Variants in VPS13C observed in about 807,000 individuals in gnomAD.
The protein encoded by VPS13C is vacuolar protein sorting 13 homolog C, also known as intermembrane lipid transfer protein VPS13C.
Under a neutral mutation model 456.8 loss-of-function variants are expected in VPS13C, and 358 were observed. The observed-to-expected ratio is 0.78, with a 90% confidence interval of 0.72 to 0.86. VPS13C has a LOEUF of 0.86. Among genes scored for constraint, VPS13C ranks in the 40% least tolerant of loss-of-function variants. VPS13C has a pLI of 0.00. For missense variants in VPS13C, 4,818 were observed against 4,385.4 expected (o/e 1.10, Z -2.79); for synonymous variants, 1,578 against 1,486.7 (o/e 1.06, Z -1.41).
intron 83 of VPS13C, among the ~76,000 whole-genome samples, chr15:61,855,376 AT>A (rs1298365431): frequency 2.0e-5 from 3 of 152,162 alleles, no homozygotes; most frequent in African/African-American, 7.2e-5. Flanking sequence ...AAACTATAAA[AT>A]ATATGCACAG....
chr15:61,993,141 G>C (rs2046277265), intron 16 of VPS13C, among the ~76,000 whole-genome samples: 1 of 152,100 alleles, frequency 6.6e-6, no homozygotes. Flanking sequence ...ACCTCTCTTA[G>C]ATACTGAGAC....
chr15:61,860,689 A>C (rs1894172113), intron 82 of VPS13C, among the ~76,000 whole-genome samples: 1 of 152,170 alleles, frequency 6.6e-6, no homozygotes, highest in African/African-American at 2.4e-5. Context: ...TTGTTACATG[A>C]AAAATTGACA....
chr15:61,865,272 A>G, intron 81 of VPS13C: 7 of 981,962 alleles, frequency 7.1e-6, no homozygotes, highest in Non-Finnish European at 8.5e-6. Context: ...AAAAAGCAAA[A>G]TCTATAATGA....
rs1410594164 is a variant in VPS13C at position 62,013,834 on chromosome 15, C to G, written c.744+99G>C. On this transcript the variant is annotated intron_variant, in intron 10 of 84. Coordinates refer to ENST00000644861, the MANE Select transcript of VPS13C (RefSeq NM_020821.3). Reference sequence around the variant, plus strand: ...AAAACTAGACCCTAGACTTTTAACTCACACTCCAATGGCATATTCTGCTCC... The same window carrying G: ...AAAACTAGACCCTAGACTTTTAACTGACACTCCAATGGCATATTCTGCTCC... 4.6e-6 allele frequency: 4 copies of G among 869,412 alleles called. No homozygotes were observed. In the African/African-American group the frequency reaches 6.7e-5, roughly 15 times the overall value. 53.9% of individuals were successfully genotyped at this position (869,412 alleles called of 1,614,324 possible). A position where few individuals can be genotyped will look rare whatever the true frequency, so the allele number is the denominator to read the frequency against.
chr15:62,037,953 CG>C (rs1478708729), intron 3 of VPS13C, among the ~76,000 whole-genome samples: 6 of 151,954 alleles, frequency 3.9e-5, no homozygotes, highest in Admixed American at 6.6e-5. Context: ...ATGACCCAAA[CG>C]GAAGTATCCA....
At chr15:62,027,771 A>C (rs1049870732) in intron 6 of VPS13C, among the ~76,000 whole-genome samples, 2 of 152,082 alleles carry the variant, frequency 1.3e-5, no homozygotes, top group Admixed American at 6.6e-5. Context: ...TAGTATATAA[A>C]AGAATCATAT....
intron 5 of VPS13C, among the ~76,000 whole-genome samples, 165 bp from the exon 6 acceptor site, chr15:62,028,585 T>C (rs1409377241): frequency 6.6e-6 from 1 of 152,118 alleles, no homozygotes; most frequent in African/African-American, 2.4e-5. Flanking sequence ...GAGGAAATAT[T>C]CACAGTGACA....
At chr15:61,897,501 A>C (rs576423559) in intron 66 of VPS13C, among the ~76,000 whole-genome samples, 6 of 152,242 alleles carry the variant, frequency 3.9e-5, no homozygotes, top group Non-Finnish European at 5.9e-5. Context: ...AAAGGGTATC[A>C]GCGATGGAAG....
intron 53 of VPS13C, among the ~76,000 whole-genome samples, chr15:61,924,109 G>A (rs1053958781): frequency 9.9e-5 from 15 of 151,350 alleles, no homozygotes; most frequent in African/African-American, 1.7e-4. Flanking sequence ...CTCGTGATCC[G>A]CCCGCCTCGG....
intron 49 of VPS13C, among the ~76,000 whole-genome samples, chr15:61,932,419 C>T (rs1363895745): frequency 6.6e-6 from 1 of 152,054 alleles, no homozygotes; most frequent in Non-Finnish European, 1.5e-5. Context: ...TAATCGAAGT[C>T]TCAAATCCCA....
At chr15:62,059,406 T>C (rs1375331792) in intron 1 of VPS13C, among the ~76,000 whole-genome samples, 1 of 152,192 alleles carries the variant, frequency 6.6e-6, no homozygotes, top group Non-Finnish European at 1.5e-5. Flanking sequence ...AAACCTTTTG[T>C]GGAGTGAGAA....
chr15:61,868,838 T>G, intron 80 of VPS13C, 65 bp from the exon 81 acceptor site: 2 of 1,231,456 alleles, frequency 1.6e-6, no homozygotes. Context: ...ATGTGTGTGT[T>G]GATTAAATAC....
At chr15:61,922,160 A>T in intron 54 of VPS13C, 127 bp from the exon 55 acceptor site, 2 of 1,083,554 alleles carry the variant, frequency 1.8e-6, no homozygotes, top group South Asian at 1.5e-5. Context: ...CCCATCTAAC[A>T]ATATATAGAG....
Position 61,877,071 on chromosome 15 carries a change from G to T in VPS13C, c.10143-17C>A. The T allele has an allele frequency of 1.9e-6, 3 of 1,578,478 alleles. No individual in the cohort carries two copies. The highest frequency in any genetic ancestry group is 2.6e-6 in the Non-Finnish European group (3 of 1,156,972). On this transcript the variant is annotated splice_polypyrimidine_tract_variant and intron_variant, in intron 74 of 84. Transcript: ENST00000644861. ...TAAGCAAGTCTGGGAGGAGAAAAAG[G>T]AAAGATTCAAAGATACTAATATTAT...
At chr15:61,921,910 T>C in intron 55 of VPS13C, 37 bp downstream of exon 55, 2 of 1,568,154 alleles carry the variant, frequency 1.3e-6, no homozygotes, top group East Asian at 2.2e-5. Context: ...ATATGCATAG[T>C]ATCATTCTAT....
intron 82 of VPS13C, among the ~76,000 whole-genome samples, chr15:61,861,651 C>A (rs1457244931): frequency 6.6e-6 from 1 of 151,804 alleles, no homozygotes; most frequent in Non-Finnish European, 1.5e-5. Context: ...TCCAGCCTGG[C>A]CAACACAGTG....
chr15:61,912,917 TAC>T (rs1246405650), intron 62 of VPS13C, among the ~76,000 whole-genome samples: 2 of 150,808 alleles, frequency 1.3e-5, no homozygotes, highest in Non-Finnish European at 2.9e-5. Context: ...CTTGCGATAG[TAC>T]ACATGAAAAA....
At chr15:61,961,916 G>A in intron 34 of VPS13C, 23 bp from the exon 35 acceptor site, 7 of 1,587,608 alleles carry the variant, frequency 4.4e-6, no homozygotes, top group Non-Finnish European at 4.3e-6. Flanking sequence ...AGCATAAAAA[G>A]AGAAATTCAA....
At chr15:62,051,994 G>A (rs12148573) in intron 1 of VPS13C, among the ~76,000 whole-genome samples, 9,096 of 152,226 alleles carry the variant, frequency 0.06, 342 homozygotes, top group Non-Finnish European at 0.084. Flanking sequence ...AAAGAGATCT[G>A]GTAGTTTATC....
Sources: gnomAD v4.1 joint callset for allele counts (sites outside exome capture counted in the v4.1 genomes callset) on GRCh38, gnomAD v4.1.1 for gene constraint, MANE v1.5 for transcripts, NCBI Gene and HGNC (gene_info 2026-07-23, HGNC 2026-07-21) for gene names.